The following NDNF variants were observed in gnomAD, a reference collection of about 807,000 sequenced individuals.
The protein encoded by NDNF is protein NDNF.
NDNF carries 16 observed loss-of-function variants against 42.0 expected under a neutral mutation model. The ratio of observed to expected loss-of-function variants is 0.38; its 90% CI spans 0.26 to 0.58. NDNF has a LOEUF of 0.58. NDNF is among the 20% of genes least tolerant of loss of function. The probability of loss-of-function intolerance (pLI) is 0.67; values close to 1 mark genes in which losing one functional copy is unlikely to be tolerated. For synonymous variants in NDNF, 248 were observed against 251.7 expected, an observed-to-expected ratio of 0.99 and a Z score of 0.14; for missense variants, 616 against 666.2, an observed-to-expected ratio of 0.92 and a Z score of 0.83.
chr4:121,070,212 A>T (rs139125406), intron 1 of NDNF, among the ~76,000 whole-genome samples: 163 of 118,530 alleles, frequency 1.4e-3, no homozygotes, highest in African/African-American at 4.1e-3. Flanking sequence ...CCTTATTATC[A>T]CTCTTAACAA....
At chr4:121,045,950 C>A (rs1727084958) in intron 1 of NDNF, 112 bp from the exon 2 acceptor site, 6 of 985,160 alleles carry the variant, frequency 6.1e-6, no homozygotes, top group African/African-American at 4.9e-5. Flanking sequence ...TTTAGGGACG[C>A]ATCATGTATT....
intron 1 of NDNF, among the ~76,000 whole-genome samples, chr4:121,056,603 A>C (rs1727300903): frequency 6.6e-6 from 1 of 152,206 alleles, no homozygotes; most frequent in African/African-American, 2.4e-5. Flanking sequence ...ACTATCAATC[A>C]TTTCATTCAG....
chr4:121,060,187 T>G (rs1219987818), intron 1 of NDNF, among the ~76,000 whole-genome samples: 5 of 152,162 alleles, frequency 3.3e-5, no homozygotes, highest in African/African-American at 9.7e-5. Context: ...GTTTTTTTAT[T>G]TTTTTAGTTT....
Position 121,036,839 on chromosome 4 carries a change from T to C in NDNF, c.1132A>G (p.Ile378Val). 2.5e-6 allele frequency: 4 copies of C among 1,614,164 alleles called. No homozygotes were observed. The highest frequency in any genetic ancestry group is 3.4e-6 in the Non-Finnish European group (4 of 1,180,022). Residue 378 changes from isoleucine (I) to valine (V), a missense_variant, in exon 4 of 4, where the codon ATT (isoleucine) becomes GTT (valine). Ile to Val is a conservative substitution (Grantham distance 29). Transcript: ENST00000379692. ...VSSHQKVTFF[I>V]HSCLDAVQIQ... The stretch of plus-strand genomic sequence containing the variant: ...TGGACAGCATCCAGACAAGAGTGAA[T>C]AAAGAAGGTGACTTTTTGGTGAGAA...
chr4:121,047,804 T>C (rs899375488), intron 1 of NDNF, among the ~76,000 whole-genome samples: 5 of 152,234 alleles, frequency 3.3e-5, no homozygotes, highest in Non-Finnish European at 5.9e-5. Flanking sequence ...CCAGGCCTTC[T>C]TAAGTTGCCT....
intron 1 of NDNF, among the ~76,000 whole-genome samples, chr4:121,063,236 G>A (rs1727443969): frequency 6.6e-6 from 1 of 152,070 alleles, no homozygotes; most frequent in African/African-American, 2.4e-5. Flanking sequence ...GCAGCTTCTT[G>A]ATTTTTCAGT....
At chr4:121,060,006 T>C (rs1415213001) in intron 1 of NDNF, among the ~76,000 whole-genome samples, 1 of 152,124 alleles carries the variant, frequency 6.6e-6, no homozygotes, top group Non-Finnish European at 1.5e-5. Context: ...ATCTCTAGGA[T>C]TTTGTTAGAA....
At position 121,045,084 on chromosome 4, in the gene NDNF, G is replaced by A. The variant is rs116609229; in HGVS notation, c.188+566C>T. 2.7e-3 allele frequency among the ~76,000 whole-genome samples: 410 copies of A among 152,354 alleles called. 1 individual carries two copies. Among genetic ancestry groups the A allele is most frequent in the Non-Finnish European group, 4.0e-3 (272 of 68,040 alleles). On this transcript the variant is annotated intron_variant, in intron 2 of 3. Coordinates refer to ENST00000379692, the MANE Select transcript of NDNF (RefSeq NM_024574.4). ...CTACTGTACTGAGGCCGGGCGCAGT[G>A]GCTTACGCCTGTAATCCCAGCATTT...
intron 3 of NDNF, among the ~76,000 whole-genome samples, chr4:121,039,218 A>ACG (rs368947540): frequency 2.4e-5 from 1 of 41,414 alleles, no homozygotes; most frequent in African/African-American, 4.1e-5. Flanking sequence ...ATATATATAT[A>ACG]TATATATATA....
At chr4:121,058,486 T>C (rs940937217) in intron 1 of NDNF, among the ~76,000 whole-genome samples, 1 of 152,146 alleles carries the variant, frequency 6.6e-6, no homozygotes, top group African/African-American at 2.4e-5. Flanking sequence ...TGTGGGCAGA[T>C]GATGCAACTG....
Position 121,045,757 on chromosome 4 carries a change from C to G in NDNF, c.81G>C (p.Glu27Asp). Residue 27 changes from glutamate to aspartate, a missense_variant, in exon 2 of 4, where the codon GAG becomes GAC. Physicochemically the swap from Glu to Asp is conservative, Grantham distance 45. Coordinates refer to ENST00000379692, the MANE Select transcript of NDNF (RefSeq NM_024574.4). Reference sequence around the variant, plus strand: ...CCCGGATCTGCATCTGAAAAAGTTCCTCATCCCGGGTGGGTAACTTCTGGG... The same window carrying G: ...CCCGGATCTGCATCTGAAAAAGTTCGTCATCCCGGGTGGGTAACTTCTGGG... ...SRTQKLPTRD[E>D]ELFQMQIRDK... 1 of 1,614,154 alleles carries G rather than the reference C, an allele frequency of 6.2e-7. No individual in the cohort carries two copies.
At chr4:121,053,103 A>C (rs544300892) in intron 1 of NDNF, among the ~76,000 whole-genome samples, 1 of 152,342 alleles carries the variant, frequency 6.6e-6, no homozygotes, top group South Asian at 2.1e-4. Flanking sequence ...GTACACAGTG[A>C]CATGATTATT....
intron 2 of NDNF, among the ~76,000 whole-genome samples, chr4:121,044,663 T>C (rs1464415477): frequency 6.6e-6 from 1 of 152,182 alleles, no homozygotes; most frequent in African/African-American, 2.4e-5. Context: ...GAAGAAATAT[T>C]ATACTCATAA....
In NDNF at chr4:121,036,959, C is replaced by G; in HGVS notation, c.1012G>C (p.Ala338Pro). The part of the protein sequence containing the change: ...VGTFARTKEE[A>P]KQKTVELKDG... The stretch of plus-strand genomic sequence containing the variant: ...TTTAGCTCGACTGTCTTCTGTTTGG[C>G]TTCTTCCTTGGTCCTGGCAAAGGTA... Residue 338 changes from alanine (A) to proline (P), a missense_variant, in exon 4 of 4, where the codon GCC becomes CCC. By Grantham distance (27) the Ala-to-Pro change is conservative (BLOSUM62 -1). Coordinates refer to ENST00000379692, the MANE Select transcript of NDNF (RefSeq NM_024574.4). 6.2e-7 allele frequency: 1 copy of G among 1,613,906 alleles called. No homozygotes were observed.
intron 1 of NDNF, among the ~76,000 whole-genome samples, chr4:121,062,770 T>C (rs1052286298): frequency 2.0e-5 from 3 of 152,042 alleles, no homozygotes; most frequent in Non-Finnish European, 4.4e-5. Context: ...AGCTGGTGAG[T>C]GTCGCGGTCA....
chr4:121,038,357 A>G (rs2148762350), intron 3 of NDNF, among the ~76,000 whole-genome samples: 1 of 136,158 alleles, frequency 7.3e-6, no homozygotes, highest in East Asian at 2.2e-4. Flanking sequence ...GTCTCAAAAT[A>G]AGATAAAATA....
At chr4:121,056,697 G>A (rs1199082890) in intron 1 of NDNF, among the ~76,000 whole-genome samples, 1 of 152,160 alleles carries the variant, frequency 6.6e-6, no homozygotes, top group Non-Finnish European at 1.5e-5. Flanking sequence ...CATTCAAAAG[G>A]TGTTTCTAGT....
rs1320019241 is a variant in NDNF at position 121,036,140 on chromosome 4, C to A, written c.*124G>T. On this transcript the variant is annotated 3_prime_UTR_variant, in exon 4 of 4. Transcript: ENST00000379692. The stretch of plus-strand genomic sequence containing the variant: ...AACATCAATATACACACGTTGATAT[C>A]CTTCCTTCCATAGTACAAGTACAGG... The A allele has an allele frequency of 2.5e-6, 2 of 785,172 alleles. No individual in the cohort carries two copies. The highest frequency in any genetic ancestry group is 2.5e-5 in the East Asian group (1 of 40,710). 48.6% of individuals were successfully genotyped at this position (785,172 alleles called of 1,614,324 possible).
intron 1 of NDNF, among the ~76,000 whole-genome samples, chr4:121,067,701 T>C (rs1727524354): frequency 6.6e-6 from 1 of 152,268 alleles, no homozygotes; most frequent in Non-Finnish European, 1.5e-5. Flanking sequence ...AGTTTGCTTT[T>C]ATACCACATT....
Sources: allele counts gnomAD v4.1 joint callset (sites outside exome capture counted in the v4.1 genomes callset), GRCh38; gene constraint gnomAD v4.1.1; transcripts MANE v1.5; gene names NCBI Gene and HGNC (gene_info 2026-07-23, HGNC 2026-07-21).